Variants in TRMT11 observed in about 807,000 individuals in gnomAD.
TRMT11 encodes tRNA methyltransferase 11.
TRMT11 carries 53 observed loss-of-function variants against 62.8 expected under a neutral mutation model. The observed-to-expected ratio is 0.84, with a 90% confidence interval of 0.68 to 1.06. The LOEUF (loss-of-function observed/expected upper bound fraction) is 1.06, where lower values mean the gene tolerates loss of function less well. Ranked by LOEUF, TRMT11 falls within the 50% of genes least tolerant of loss-of-function variation. The pLI is 0.00. For synonymous variants in TRMT11, 188 were observed against 190.3 expected (o/e 0.99, Z 0.10); for missense variants, 556 against 553.4 (o/e 1.00, Z -0.05).
At chr6:126,087,447 G>A (rs1342415683) in intron 17 of TRMT11, among the ~76,000 whole-genome samples, 2 of 152,196 alleles carry the variant, frequency 1.3e-5, no homozygotes, top group African/African-American at 4.8e-5. Context: ...AAGAACATTA[G>A]CCAAGAAAAT....
chr6:126,216,323 A>G, the TRMT11 span, among the ~76,000 whole-genome samples: 4 of 152,206 alleles, frequency 2.6e-5, no homozygotes, highest in East Asian at 7.7e-4. Flanking sequence ...TGATGTAGGC[A>G]CTTATCTGTA....
intron 7 of TRMT11, among the ~76,000 whole-genome samples, chr6:126,001,454 C>T (rs1428163206): frequency 6.6e-6 from 1 of 151,964 alleles, no homozygotes; most frequent in Admixed American, 6.6e-5. Flanking sequence ...CCAGCTGGAC[C>T]ACTACATCAG....
chr6:126,175,082 A>T (rs780760681), upstream of TRMT11, among the ~76,000 whole-genome samples: 1 of 152,204 alleles, frequency 6.6e-6, no homozygotes, highest in African/African-American at 2.4e-5. Context: ...TTCAGCCAGT[A>T]TGATACACAT....
At chr6:125,993,902 TAAA>T in intron 2 of TRMT11, 80 bp downstream of exon 2, 1 of 772,458 alleles carries the variant, frequency 1.3e-6, no homozygotes, top group South Asian at 2.0e-5. Flanking sequence ...GTGCATATCT[TAAA>T]TTTATATTTG....
chr6:126,026,186 T>A (rs1773045178), intron 12 of TRMT11, among the ~76,000 whole-genome samples: 1 of 152,190 alleles, frequency 6.6e-6, no homozygotes. Context: ...TTTATTAATT[T>A]CCCCATTTTA....
chr6:126,174,679 C>T (rs531877362), upstream of TRMT11, among the ~76,000 whole-genome samples: 11 of 152,308 alleles, frequency 7.2e-5, no homozygotes, highest in Non-Finnish European at 1.6e-4. Flanking sequence ...AGTCAAAATT[C>T]TTCAATTAAG....
intron 7 of TRMT11, among the ~76,000 whole-genome samples, chr6:126,001,194 C>A (rs1583661282): frequency 6.6e-6 from 1 of 152,030 alleles, no homozygotes; most frequent in South Asian, 2.1e-4. Flanking sequence ...TTCAGTCTTG[C>A]CAGTTTACCC....
chr6:125,995,207 G>C (rs1449470341), intron 2 of TRMT11, among the ~76,000 whole-genome samples: 1 of 152,208 alleles, frequency 6.6e-6, no homozygotes, highest in Non-Finnish European at 1.5e-5. Context: ...AAGAGCTAAA[G>C]TTGAAAGTCC....
chr6:126,101,960 A>G (rs936022848), intron 17 of TRMT11, among the ~76,000 whole-genome samples: 15 of 152,238 alleles, frequency 9.9e-5, no homozygotes, highest in African/African-American at 3.6e-4. Flanking sequence ...GTGCTGAACA[A>G]CAGGAAGACT....
intron 21 of TRMT11, among the ~76,000 whole-genome samples, chr6:126,170,741 G>A (rs550221659): frequency 2.6e-5 from 4 of 152,200 alleles, no homozygotes; most frequent in South Asian, 2.1e-4. Context: ...GCACAATCTC[G>A]ATGCTCTTTG....
intron 7 of TRMT11, among the ~76,000 whole-genome samples, chr6:126,000,283 A>C (rs1360754610): frequency 1.3e-5 from 2 of 152,088 alleles, no homozygotes; most frequent in Non-Finnish European, 2.9e-5. Context: ...TACCCAGCAA[A>C]TACTTGTATT....
At chr6:126,063,664 A>G (rs1341776988) in intron 17 of TRMT11, among the ~76,000 whole-genome samples, 4 of 152,224 alleles carry the variant, frequency 2.6e-5, no homozygotes, top group Non-Finnish European at 4.4e-5. Context: ...TGTTTCCATC[A>G]TGCTTGGAGG....
chr6:126,204,853 GC>G (rs1778774709), downstream of TRMT11, among the ~76,000 whole-genome samples: 2 of 152,182 alleles, frequency 1.3e-5, no homozygotes, highest in Admixed American at 1.3e-4. Flanking sequence ...AGCACATTGG[GC>G]AGAGCCAGTT....
intron 1 of TRMT11, among the ~76,000 whole-genome samples, chr6:126,180,442 A>T (rs1778445724): frequency 6.6e-6 from 1 of 152,180 alleles, no homozygotes; most frequent in Non-Finnish European, 1.5e-5. Context: ...ACAATTTAGC[A>T]AGGATGTGTA....
intron 21 of TRMT11, among the ~76,000 whole-genome samples, chr6:126,162,237 A>G (rs1033815423): frequency 1.3e-5 from 2 of 152,180 alleles, no homozygotes; most frequent in Non-Finnish European, 2.9e-5. Flanking sequence ...TAATTTTTGT[A>G]TAAGGTGTAA....
chr6:126,171,236 G>T (rs766017265), intron 21 of TRMT11, among the ~76,000 whole-genome samples: 2 of 152,006 alleles, frequency 1.3e-5, no homozygotes, highest in Non-Finnish European at 2.9e-5. Context: ...GAAAGCAAAA[G>T]CAGGATTCGC....
intron 1 of TRMT11, among the ~76,000 whole-genome samples, chr6:125,992,165 C>G (rs1333465106): frequency 6.6e-6 from 1 of 152,148 alleles, no homozygotes; most frequent in African/African-American, 2.4e-5. Context: ...CTTGGGTTAT[C>G]ATATTTATTC....
rs796098459 is a variant in TRMT11 at position 126,022,210 on chromosome 6, A to AT, written c.1260+940dup. On this transcript the variant is annotated intron_variant, in intron 12 of 12. Coordinates refer to ENST00000334379, the MANE Select transcript of TRMT11 (RefSeq NM_001031712.3). ...AGGTGCCTGCCACTATGCCTGGCTGATTTTTTTTTTGTATTTTTAATAGAG... is the reference window on the plus strand; with the variant it reads ...AGGTGCCTGCCACTATGCCTGGCTGATTTTTTTTTTTGTATTTTTAATAGAG... Among the ~76,000 whole-genome samples, 343 of 147,008 alleles carry AT rather than the reference A, an allele frequency of 2.3e-3. 4 individuals carry two copies. The highest frequency in any genetic ancestry group is 7.0e-3 in the African/African-American group (282 of 40,148).
upstream of TRMT11, among the ~76,000 whole-genome samples, chr6:126,176,904 G>A (rs1293675812): frequency 4.6e-5 from 7 of 152,056 alleles, no homozygotes; most frequent in East Asian, 1.2e-3. Flanking sequence ...ATGAAAATGC[G>A]ATGGTCCTTC....
Sources: gnomAD v4.1 joint callset for allele counts (sites outside exome capture counted in the v4.1 genomes callset) on GRCh38, gnomAD v4.1.1 for gene constraint, MANE v1.5 for transcripts, NCBI Gene and HGNC (gene_info 2026-07-23, HGNC 2026-07-21) for gene names.